Variants in CNBD1 observed in about 807,000 individuals in gnomAD.
CNBD1 encodes the protein cyclic nucleotide binding domain containing 1, also known as cyclic nucleotide-binding domain-containing protein 1.
In CNBD1, 71 loss-of-function variants were observed where a neutral mutation model predicts 54.4. The observed-to-expected ratio is 1.30, with a 90% CI of 1.08 to 1.59. The LOEUF is 1.59. CNBD1 is among the 40% of genes most tolerant of loss of function. The pLI is 0.00. For synonymous variants in CNBD1, 182 were observed against 170.7 expected, an observed-to-expected ratio of 1.07 and a Z score of -0.51; for missense variants, 659 against 518.0, an observed-to-expected ratio of 1.27 and a Z score of -2.64.
At chr8:87,390,890 A>T (rs1156951802) in intron 2 of CNBD1, among the ~76,000 whole-genome samples, 1 of 152,192 alleles carries the variant, frequency 6.6e-6, no homozygotes, top group Non-Finnish European at 1.5e-5. Context: ...GCACATATAC[A>T]CTATGTAATA....
intron 6 of CNBD1, among the ~76,000 whole-genome samples, chr8:87,241,385 T>C (rs13250318): frequency 0.051 from 7,716 of 150,502 alleles, 229 homozygotes; most frequent in African/African-American, 0.074. Context: ...ATTCTCCTGC[T>C]TCAGCCTCCC....
chr8:87,038,874 G>T (rs141590241), intron 4 of CNBD1, among the ~76,000 whole-genome samples: 1 of 152,228 alleles, frequency 6.6e-6, no homozygotes, highest in Non-Finnish European at 1.5e-5. Context: ...TGCAAAGGTG[G>T]TTTCTAGGTC....
intron 6 of CNBD1, among the ~76,000 whole-genome samples, chr8:87,259,508 T>C (rs1365620237): frequency 6.6e-6 from 1 of 152,222 alleles, no homozygotes; most frequent in African/African-American, 2.4e-5. Context: ...GTTACTAAAG[T>C]TACAACTAAA....
At chr8:86,872,928 C>T (rs1431112259) in intron 1 of CNBD1, among the ~76,000 whole-genome samples, 2 of 152,084 alleles carry the variant, frequency 1.3e-5, no homozygotes, top group Admixed American at 1.3e-4. Context: ...GTGATGTAAT[C>T]TCATTTATCT....
chr8:87,217,031 A>G (rs1362760558), intron 5 of CNBD1, among the ~76,000 whole-genome samples: 1 of 152,074 alleles, frequency 6.6e-6, no homozygotes, highest in Non-Finnish European at 1.5e-5. Flanking sequence ...TCTTGATGTA[A>G]TATGTCCTTT....
At position 87,121,794 on chromosome 8, in the gene CNBD1, A is replaced by G. The variant is rs556588302; in HGVS notation, c.432-84199A>G. Among the ~76,000 whole-genome samples the G allele has an allele frequency of 6.6e-5, 10 of 151,806 alleles. No homozygotes were observed. The South Asian group carries it at 1.7e-3, about 25-fold the overall frequency. On this transcript the variant is annotated intron_variant, in intron 4 of 10. Coordinates refer to ENST00000518476, the MANE Select transcript of CNBD1 (RefSeq NM_173538.3). The stretch of plus-strand genomic sequence containing the variant: ...TGTCTTTCTGTGCCTGTCATATTTC[A>G]TTTATAATAATGTCTTCCAGATTAA...
chr8:87,190,886 C>CATATATCTATTTA (rs1427428611), intron 4 of CNBD1, among the ~76,000 whole-genome samples: 1 of 132,168 alleles, frequency 7.6e-6, no homozygotes. Flanking sequence ...GATACATGTA[C>CATATATCTATTTA]GTATATCTAT....
chr8:87,315,964 T>C (rs1248444060), intron 8 of CNBD1, among the ~76,000 whole-genome samples: 3 of 152,010 alleles, frequency 2.0e-5, no homozygotes, highest in Admixed American at 2.0e-4. Flanking sequence ...TCACATGATG[T>C]GCCCCATGAA....
chr8:87,323,187 A>G (rs1294109216), intron 8 of CNBD1, among the ~76,000 whole-genome samples: 2 of 121,848 alleles, frequency 1.6e-5, no homozygotes, highest in South Asian at 2.6e-4. Context: ...TACCAGTACC[A>G]TGCTGTTTTG....
chr8:87,315,042 A>G (rs1452277729), intron 8 of CNBD1, among the ~76,000 whole-genome samples: 1 of 152,108 alleles, frequency 6.6e-6, no homozygotes, highest in East Asian at 1.9e-4. Context: ...TAACAAGCAA[A>G]AGTACTTAGA....
intron 4 of CNBD1, among the ~76,000 whole-genome samples, chr8:87,067,558 C>T (rs990994832): frequency 1.6e-4 from 25 of 151,972 alleles, no homozygotes; most frequent in African/African-American, 3.1e-4. Flanking sequence ...GAACCAAATA[C>T]GGAAGGTTTC....
At chr8:86,884,895 T>C (rs1808659674) in intron 1 of CNBD1, among the ~76,000 whole-genome samples, 1 of 152,234 alleles carries the variant, frequency 6.6e-6, no homozygotes, top group Non-Finnish European at 1.5e-5. Flanking sequence ...TTTTACACTG[T>C]GTTTTCCAGC....
chr8:87,060,693 T>C (rs1810522117), intron 4 of CNBD1, among the ~76,000 whole-genome samples: 1 of 152,240 alleles, frequency 6.6e-6, no homozygotes, highest in East Asian at 1.9e-4. Context: ...AGAAAAAGCC[T>C]ACATGAATAT....
intron 10 of CNBD1, among the ~76,000 whole-genome samples, chr8:87,379,444 C>G (rs1811027429): frequency 1.3e-5 from 2 of 151,854 alleles, no homozygotes. Context: ...TTCAGCACCA[C>G]ACCACACCTA....
intron 2 of CNBD1, among the ~76,000 whole-genome samples, chr8:87,423,754 C>T (rs1381991453): frequency 6.6e-6 from 1 of 151,796 alleles, no homozygotes; most frequent in Non-Finnish European, 1.5e-5. Flanking sequence ...GGTTGTGTCT[C>T]TGCCCGGCTT....
At chr8:86,969,793 T>TATACACAC (rs1353293101) in intron 4 of CNBD1, among the ~76,000 whole-genome samples, 4 of 144,480 alleles carry the variant, frequency 2.8e-5, no homozygotes, top group African/African-American at 1.0e-4. Context: ...TATATATATA[T>TATACACAC]ACACACACAC....
chr8:87,043,102 C>T (rs1471097777), intron 4 of CNBD1, among the ~76,000 whole-genome samples: 1 of 152,166 alleles, frequency 6.6e-6, no homozygotes, highest in Non-Finnish European at 1.5e-5. Context: ...AAGGGGCTGT[C>T]TGCAGAGGCA....
At chr8:87,015,723 T>G (rs541679941) in intron 4 of CNBD1, among the ~76,000 whole-genome samples, 1 of 152,138 alleles carries the variant, frequency 6.6e-6, no homozygotes, top group Non-Finnish European at 1.5e-5. Flanking sequence ...CTCACGCCTG[T>G]AATCCCAGCA....
At chr8:87,212,567 T>G (rs1479487446) in intron 5 of CNBD1, among the ~76,000 whole-genome samples, 15 of 152,180 alleles carry the variant, frequency 9.9e-5, no homozygotes, top group Admixed American at 9.8e-4. Flanking sequence ...GATGGTCTAT[T>G]GGTTTTAGAC....
Sources: allele counts gnomAD v4.1 joint callset (sites outside exome capture counted in the v4.1 genomes callset), GRCh38; gene constraint gnomAD v4.1.1; transcripts MANE v1.5; gene names NCBI Gene and HGNC (gene_info 2026-07-23, HGNC 2026-07-21).